The following UST variants were observed in gnomAD, a reference collection of about 807,000 sequenced individuals.
UST encodes the protein chondroitin sulfate 2-O-sulfotransferase.
UST carries 21 observed loss-of-function variants against 45.6 expected under a neutral mutation model. The ratio of observed to expected loss-of-function variants is 0.46; its 90% CI spans 0.33 to 0.66. The LOEUF (loss-of-function observed/expected upper bound fraction) is 0.66. UST is among the 30% of genes least tolerant of loss of function. The pLI is 0.02. For missense variants in UST, 463 were observed against 512.4 expected (o/e 0.90, Z 0.93); for synonymous variants, 215 against 200.6 (o/e 1.07, Z -0.61).
intron 7 of UST, among the ~76,000 whole-genome samples, chr6:149,029,447 T>A (rs866214185): frequency 5.0e-4 from 46 of 91,866 alleles, no homozygotes; most frequent in African/African-American, 1.8e-3. Flanking sequence ...TTATATTATA[T>A]TATATATACA....
rs191311962 is a variant in UST, at chr6:148,852,403, G to A, written c.248-34583G>A. ...CCTGGATCTGGATGTGTGTTTAAACGATTATAGTTCAGGAAAAGAGCCTAG... is the reference window on the plus strand; with the variant it reads ...CCTGGATCTGGATGTGTGTTTAAACAATTATAGTTCAGGAAAAGAGCCTAG... On this transcript the variant is annotated intron_variant, in intron 1 of 7. Transcript: ENST00000367463. 3.9e-5 allele frequency among the ~76,000 whole-genome samples: 6 copies of A among 152,282 alleles called. No homozygotes were observed. In the East Asian group the frequency reaches 1.2e-3, roughly 29 times the overall value.
chr6:148,954,664 C>T (rs577659425), intron 4 of UST, among the ~76,000 whole-genome samples: 88 of 152,246 alleles, frequency 5.8e-4, no homozygotes, highest in Admixed American at 9.8e-4. Flanking sequence ...TGCACAACCA[C>T]GAAATCACCT....
chr6:148,760,465 T>C (rs2077513441), intron 1 of UST, among the ~76,000 whole-genome samples: 1 of 152,194 alleles, frequency 6.6e-6, no homozygotes, highest in African/African-American at 2.4e-5. Context: ...TTTTTGCTGT[T>C]CTTCTGGAAG....
At chr6:148,806,118 C>T (rs752038676) in intron 1 of UST, among the ~76,000 whole-genome samples, 2 of 151,396 alleles carry the variant, frequency 1.3e-5, no homozygotes, top group Non-Finnish European at 2.9e-5. Flanking sequence ...AGTATAATTG[C>T]GGCTTAGTTT....
At chr6:148,916,089 T>C (rs948749624) in intron 2 of UST, among the ~76,000 whole-genome samples, 9 of 152,222 alleles carry the variant, frequency 5.9e-5, no homozygotes, top group African/African-American at 2.2e-4. Context: ...TTGCTTTTGT[T>C]GTTTGTTTTG....
chr6:148,822,520 G>A (rs1362998914), intron 1 of UST, among the ~76,000 whole-genome samples: 1 of 152,196 alleles, frequency 6.6e-6, no homozygotes, highest in East Asian at 1.9e-4. Flanking sequence ...GAGACTGAAT[G>A]TATAGAAAGA....
intron 7 of UST, among the ~76,000 whole-genome samples, chr6:149,036,200 C>T (rs1776238341): frequency 6.6e-6 from 1 of 152,208 alleles, no homozygotes; most frequent in Admixed American, 6.5e-5. Flanking sequence ...ACTGGGGTCC[C>T]AGCTGCTTCA....
At chr6:149,043,363 G>T (rs1035162927) in intron 7 of UST, among the ~76,000 whole-genome samples, 10 of 152,110 alleles carry the variant, frequency 6.6e-5, no homozygotes, top group Non-Finnish European at 1.2e-4. Flanking sequence ...CACCCACCTT[G>T]ACCTCCCAAA....
intron 2 of UST, among the ~76,000 whole-genome samples, chr6:148,901,191 AG>A (rs1254992347): frequency 6.6e-6 from 1 of 152,212 alleles, no homozygotes; most frequent in African/African-American, 2.4e-5. Context: ...TAGCTTCTCA[AG>A]AACAGGCGCA....
intron 3 of UST, among the ~76,000 whole-genome samples, chr6:148,950,339 T>C (rs1780342600): frequency 1.3e-5 from 2 of 152,228 alleles, no homozygotes; most frequent in Non-Finnish European, 2.9e-5. Context: ...CATTTGCTGT[T>C]GGGATTATTG....
At chr6:149,045,207 G>A (rs893051335) in intron 7 of UST, among the ~76,000 whole-genome samples, 9 of 152,112 alleles carry the variant, frequency 5.9e-5, no homozygotes, top group East Asian at 1.9e-4. Flanking sequence ...AGCTATTTGG[G>A]GCTCAGAAAC....
chr6:149,021,137 A>T (rs1775971776), intron 6 of UST, among the ~76,000 whole-genome samples, 187 bp from the exon 7 acceptor site: 1 of 152,188 alleles, frequency 6.6e-6, no homozygotes, highest in African/African-American at 2.4e-5. Flanking sequence ...AATGGTGAGC[A>T]GGGCAGGACA....
chr6:148,826,543 C>T (rs1423201842), intron 1 of UST, among the ~76,000 whole-genome samples: 1 of 151,864 alleles, frequency 6.6e-6, no homozygotes, highest in East Asian at 1.9e-4. Flanking sequence ...TTTTGTTCTT[C>T]TTTGAACACT....
intron 1 of UST, among the ~76,000 whole-genome samples, chr6:148,835,345 G>T (rs1169385806): frequency 2.0e-5 from 3 of 152,128 alleles, no homozygotes; most frequent in African/African-American, 4.8e-5. Flanking sequence ...TGTCTGTGGG[G>T]TTCCTGGAAC....
chr6:149,040,404 T>C (rs539257135), intron 7 of UST, among the ~76,000 whole-genome samples: 1 of 152,198 alleles, frequency 6.6e-6, no homozygotes, highest in African/African-American at 2.4e-5. Context: ...ACCCCTGTAA[T>C]CTCAACAGTT....
chr6:148,798,434 T>A (rs9485332), intron 1 of UST, among the ~76,000 whole-genome samples: 49,596 of 151,938 alleles, frequency 0.33, 8,940 homozygotes, highest in East Asian at 0.6. Context: ...GGGTTGGGTT[T>A]TCTCAGAGGA....
intron 1 of UST, 122 bp downstream of exon 1, chr6:148,747,799 A>T (rs1194753139): frequency 1.4e-5 from 18 of 1,299,832 alleles, no homozygotes; most frequent in Middle Eastern, 2.8e-4. Context: ...GGGTCTCTCC[A>T]GGTGCTAAGC....
chr6:148,829,261 T>C (rs932437315), intron 1 of UST, among the ~76,000 whole-genome samples: 1 of 152,198 alleles, frequency 6.6e-6, no homozygotes. Flanking sequence ...TACGTCTTTA[T>C]ATGGGCGTGC....
intron 5 of UST, among the ~76,000 whole-genome samples, chr6:148,998,257 G>A (rs911088092): frequency 6.6e-6 from 1 of 152,168 alleles, no homozygotes; most frequent in Non-Finnish European, 1.5e-5. Context: ...CATTTTGGCT[G>A]GGAAGATGTT....
Sources: gnomAD v4.1 joint callset for allele counts (sites outside exome capture counted in the v4.1 genomes callset) on GRCh38, gnomAD v4.1.1 for gene constraint, MANE v1.5 for transcripts, NCBI Gene and HGNC (gene_info 2026-07-23, HGNC 2026-07-21) for gene names.